PPM1L: variants seen among roughly 807,000 people sequenced by gnomAD.
The protein encoded by PPM1L is protein phosphatase, Mg2+/Mn2+ dependent 1L.
In PPM1L, 13 loss-of-function variants were observed where a neutral mutation model predicts 31.4. The observed-to-expected ratio is 0.41, with a 90% confidence interval of 0.27 to 0.66. The LOEUF (loss-of-function observed/expected upper bound fraction) is 0.66, where lower values mean the gene tolerates loss of function less well. PPM1L is among the 30% of genes least tolerant of loss of function. The probability of loss-of-function intolerance (pLI) is 0.29; values close to 1 mark genes in which losing one functional copy is unlikely to be tolerated. For missense variants in PPM1L, 326 were observed against 453.7 expected (o/e 0.72, Z 2.56); for synonymous variants, 184 against 175.4 (o/e 1.05, Z -0.39).
intron 1 of PPM1L, among the ~76,000 whole-genome samples, chr3:160,913,472 G>A (rs1714042315): frequency 6.6e-6 from 1 of 152,114 alleles, no homozygotes; most frequent in Admixed American, 6.5e-5. Flanking sequence ...TTTGATAAAT[G>A]TATATAGCTG....
At chr3:160,863,619 C>T (rs969991986) in intron 1 of PPM1L, among the ~76,000 whole-genome samples, 10 of 152,034 alleles carry the variant, frequency 6.6e-5, no homozygotes, top group Non-Finnish European at 2.9e-5. Flanking sequence ...CAGTGTGATC[C>T]GAAGTTACTG....
intron 1 of PPM1L, among the ~76,000 whole-genome samples, chr3:160,784,779 A>T (rs1711854741): frequency 6.6e-6 from 1 of 152,228 alleles, no homozygotes; most frequent in African/African-American, 2.4e-5. Context: ...TGAATTTTGT[A>T]TCAATCAGTG....
intron 2 of PPM1L, among the ~76,000 whole-genome samples, chr3:160,964,403 A>G (rs539946369): frequency 6.6e-6 from 1 of 152,130 alleles, no homozygotes; most frequent in African/African-American, 2.4e-5. Flanking sequence ...GAAAAAATAT[A>G]TTTACTGTAT....
rs1313046114 is a variant in PPM1L, at chr3:161,073,070, C to T, written c.*3913C>T. On this transcript the variant is annotated 3_prime_UTR_variant, in exon 4 of 4. Coordinates refer to ENST00000498165, the MANE Select transcript of PPM1L (RefSeq NM_139245.4). ...AGTTAGCTGTAGAAATAATAGAATC[C>T]AGTGTTTCCCAAAGTGTGTTCCAAA... 1 of 152,138 alleles carries T rather than the reference C, an allele frequency of 6.6e-6. No homozygotes were observed. Among genetic ancestry groups the T allele is most frequent in the African/African-American group, 2.4e-5 (1 of 41,420 alleles). The allele number at this position is 152,138 out of a possible 1,614,324, so 9.4% of individuals were successfully genotyped here.
chr3:161,045,591 A>G (rs959333726), intron 2 of PPM1L, among the ~76,000 whole-genome samples: 3 of 152,234 alleles, frequency 2.0e-5, no homozygotes, highest in Admixed American at 1.3e-4. Flanking sequence ...AAGACACAAC[A>G]TACCAGAATC....
chr3:161,022,108 C>G (rs1330802172), intron 2 of PPM1L: 1 of 657,548 alleles, frequency 1.5e-6, no homozygotes. Flanking sequence ...TTTTGTGTAG[C>G]TAGATGTTTT....
chr3:160,786,153 C>CTGTGTGTGTGTGTG (rs775015539), intron 1 of PPM1L, among the ~76,000 whole-genome samples: 1 of 74,210 alleles, frequency 1.3e-5, no homozygotes, highest in Non-Finnish European at 2.2e-5. Flanking sequence ...CTCTCTCTCT[C>CTGTGTGTGTGTGTG]TCTCTGTGTG....
At chr3:161,043,786 T>C (rs968292558) in intron 2 of PPM1L, among the ~76,000 whole-genome samples, 4 of 152,206 alleles carry the variant, frequency 2.6e-5, no homozygotes, top group African/African-American at 4.8e-5. Flanking sequence ...CATTGCGTTC[T>C]AAATACCCTA....
chr3:161,008,215 C>T (rs925879373), intron 2 of PPM1L, among the ~76,000 whole-genome samples: 3 of 152,216 alleles, frequency 2.0e-5, no homozygotes, highest in African/African-American at 7.2e-5. Flanking sequence ...TCTGACCTTT[C>T]TTGTTTGATT....
chr3:160,779,697 ATT>A (rs111682834), intron 1 of PPM1L, among the ~76,000 whole-genome samples: 5 of 137,780 alleles, frequency 3.6e-5, no homozygotes, highest in Admixed American at 2.2e-4. Flanking sequence ...TAATTTTTGT[ATT>A]TTTTTTTTTT....
In PPM1L at chr3:161,048,171, T is replaced by C. The variant is rs529573642; in HGVS notation, c.575-17232T>C. ...AGGCAACCTACAGAATGGGAGAAAATTTTTGCAATCTACTTATCTGACAAA... is the reference window on the plus strand; with the variant it reads ...AGGCAACCTACAGAATGGGAGAAAACTTTTGCAATCTACTTATCTGACAAA... On this transcript the variant is annotated intron_variant, in intron 2 of 3. Coordinates refer to ENST00000498165, the MANE Select transcript of PPM1L (RefSeq NM_139245.4). 5.3e-5 allele frequency among the ~76,000 whole-genome samples: 8 copies of C among 152,086 alleles called. No individual in the cohort carries two copies. In the East Asian group the frequency reaches 1.4e-3, roughly 26 times the overall value.
chr3:160,978,430 A>G (rs116796571), intron 2 of PPM1L, among the ~76,000 whole-genome samples: 3,649 of 152,312 alleles, frequency 0.024, 82 homozygotes, highest in South Asian at 0.042. Flanking sequence ...AGAGTATGAA[A>G]TGGTGCCCAG....
rs139023118 is a variant in PPM1L, at chr3:160,761,367, C to G, written c.399+4660C>G. ...TGTGAGGGTTGTTTGGAGGAATAGT[C>G]TCCTTAGCTCTGAGAAATAACTGCA... On this transcript the variant is annotated intron_variant, in intron 1 of 3. Coordinates refer to ENST00000498165, the MANE Select transcript of PPM1L (RefSeq NM_139245.4). 6.1e-3 allele frequency among the ~76,000 whole-genome samples: 932 copies of G among 152,286 alleles called. 9 individuals are homozygous for G. Among genetic ancestry groups the G allele is most frequent in the African/African-American group, 0.022 (904 of 41,532 alleles).
rs1196394744 is a variant in PPM1L, at chr3:161,038,612, A to T, written c.575-26791A>T. Among the ~76,000 whole-genome samples the T allele has an allele frequency of 2.9e-4, 36 of 125,416 alleles. No individual in the cohort carries two copies. In the East Asian group the frequency reaches 9.5e-3, roughly 33 times the overall value. 82.3% of individuals were successfully genotyped at this position (125,416 alleles called of 152,430 possible). A position where few individuals can be genotyped will look rare whatever the true frequency, so the allele number is the denominator to read the frequency against. ...AAAAAAAAAAAAAAAAAAAAAAAAA[A>T]GCAAAATTGACTCCATCCTGACATC... On this transcript the variant is annotated intron_variant, in intron 2 of 3. Coordinates refer to ENST00000498165, the MANE Select transcript of PPM1L (RefSeq NM_139245.4).
intron 1 of PPM1L, among the ~76,000 whole-genome samples, chr3:160,795,290 C>G (rs1712215757): frequency 6.6e-6 from 1 of 152,124 alleles, no homozygotes; most frequent in African/African-American, 2.4e-5. Flanking sequence ...GGGTTTAGAT[C>G]TGGTCTTAAC....
chr3:160,871,204 A>G (rs1166430405), intron 1 of PPM1L, among the ~76,000 whole-genome samples: 3 of 152,190 alleles, frequency 2.0e-5, no homozygotes, highest in Non-Finnish European at 4.4e-5. Context: ...GCACTGTTCA[A>G]ATCCTTTTTG....
At chr3:160,912,708 C>T (rs1714017615) in intron 1 of PPM1L, among the ~76,000 whole-genome samples, 1 of 152,124 alleles carries the variant, frequency 6.6e-6, no homozygotes, top group Non-Finnish European at 1.5e-5. Context: ...ATAATTATAG[C>T]AGATTCATTG....
chr3:160,908,586 A>C (rs1189295489), intron 1 of PPM1L, among the ~76,000 whole-genome samples: 1 of 152,318 alleles, frequency 6.6e-6, no homozygotes, highest in East Asian at 1.9e-4. Context: ...AGCAAAGATG[A>C]CTGATGAGAT....
In PPM1L at chr3:160,756,835, G is replaced by T. The variant is rs1714822727; in HGVS notation, c.399+128G>T. 1 of 1,076,704 alleles carries T rather than the reference G, an allele frequency of 9.3e-7. No homozygotes were observed. The highest frequency in any genetic ancestry group is 2.6e-5 in the East Asian group (1 of 38,402). The allele number at this position is 1,076,704 out of a possible 1,614,324, so 66.7% of individuals were successfully genotyped here. The stretch of plus-strand genomic sequence containing the variant: ...GTGCGCAGCGGGAGAGGATCTGGGT[G>T]CGAGGGGCGTGGTGATGACACCACG... On this transcript the variant is annotated intron_variant, in intron 1 of 3. Coordinates refer to ENST00000498165, the MANE Select transcript of PPM1L (RefSeq NM_139245.4). The surrounding 1 kb of genome is among the most constrained non-coding windows in gnomAD (Gnocchi z 6.2).
Sources: allele counts gnomAD v4.1 joint callset (sites outside exome capture counted in the v4.1 genomes callset), GRCh38; gene constraint gnomAD v4.1.1; non-coding constraint Gnocchi (gnomAD v3.1); transcripts MANE v1.5; gene names NCBI Gene and HGNC (gene_info 2026-07-23, HGNC 2026-07-21).